Variants in CBFA2T2 observed in about 807,000 individuals in gnomAD.
CBFA2T2 encodes the protein CBFA2/RUNX1 partner transcriptional co-repressor 2.
A neutral mutation model predicts 62.2 loss-of-function variants in CBFA2T2; 11 were observed. That is an observed-to-expected ratio of 0.18 (90% confidence interval 0.11 to 0.29). The LOEUF (loss-of-function observed/expected upper bound fraction) is 0.29, where lower values mean the gene tolerates loss of function less well. Among genes scored for constraint, CBFA2T2 ranks in the 10% least tolerant of loss-of-function variants. CBFA2T2 has a pLI of 1.00. For missense variants in CBFA2T2, 592 were observed against 774.1 expected (o/e 0.76, Z 2.79); for synonymous variants, 295 against 287.5 (o/e 1.03, Z -0.27).
chr20:33,515,820 A>AAAAAT (rs1362939809), intron 1 of CBFA2T2, among the ~76,000 whole-genome samples: 7 of 149,118 alleles, frequency 4.7e-5, no homozygotes, highest in Non-Finnish European at 9.0e-5. Context: ...AAAAAAAAAA[A>AAAAAT]ACGGGGCGGG....
intron 1 of CBFA2T2, among the ~76,000 whole-genome samples, chr20:33,525,680 C>A (rs2011867598): frequency 6.6e-6 from 1 of 152,132 alleles, no homozygotes; most frequent in Admixed American, 6.5e-5. Flanking sequence ...GAGATGGAGT[C>A]TGACTTTGTC....
intron 1 of CBFA2T2, among the ~76,000 whole-genome samples, chr20:33,564,421 C>T (rs2013211186): frequency 6.6e-6 from 1 of 151,606 alleles, no homozygotes; most frequent in Non-Finnish European, 1.5e-5. Flanking sequence ...CCATGCCTGG[C>T]TAATTTTTGT....
intron 1 of CBFA2T2, among the ~76,000 whole-genome samples, chr20:33,556,048 G>A (rs1256622457): frequency 1.3e-5 from 2 of 152,126 alleles, no homozygotes; most frequent in Non-Finnish European, 2.9e-5. Context: ...TTTACTTTTT[G>A]TAGAGATGGA....
intron 1 of CBFA2T2, among the ~76,000 whole-genome samples, chr20:33,505,545 A>G (rs976315316): frequency 6.6e-6 from 1 of 152,114 alleles, no homozygotes; most frequent in African/African-American, 2.4e-5. Flanking sequence ...GCACTTAGGG[A>G]GGCCGAGGCG....
At chr20:33,560,847 C>G (rs1455135721) in intron 1 of CBFA2T2, among the ~76,000 whole-genome samples, 2 of 152,076 alleles carry the variant, frequency 1.3e-5, no homozygotes, top group South Asian at 2.1e-4. Flanking sequence ...AGCCAAGACC[C>G]CCGCCTTCCC....
At chr20:33,586,302 C>A (rs1441286967) in intron 1 of CBFA2T2, among the ~76,000 whole-genome samples, 1 of 152,144 alleles carries the variant, frequency 6.6e-6, no homozygotes, top group African/African-American at 2.4e-5. Context: ...CCTCAGCCTC[C>A]TGAGTAGCTG....
At chr20:33,613,834 C>T (rs1568853056) in intron 3 of CBFA2T2, among the ~76,000 whole-genome samples, 1 of 152,128 alleles carries the variant, frequency 6.6e-6, no homozygotes, top group Non-Finnish European at 1.5e-5. Flanking sequence ...TGAGCTTGAA[C>T]ATAATTGGAA....
chr20:33,506,896 A>G (rs539602681), intron 1 of CBFA2T2, among the ~76,000 whole-genome samples: 1 of 152,280 alleles, frequency 6.6e-6, no homozygotes, highest in East Asian at 1.9e-4. Flanking sequence ...ACTCTGAGGA[A>G]TGGTGTGTTC....
At chr20:33,623,062 T>G in intron 4 of CBFA2T2, 53 bp from the exon 5 acceptor site, 4 of 1,579,916 alleles carry the variant, frequency 2.5e-6, no homozygotes, top group Non-Finnish European at 3.5e-6. Context: ...TTTGAGGTGC[T>G]GAGCCTTCTT....
At chr20:33,587,829 T>C (rs1010483030) in intron 1 of CBFA2T2, among the ~76,000 whole-genome samples, 2 of 152,236 alleles carry the variant, frequency 1.3e-5, no homozygotes, top group Non-Finnish European at 2.9e-5. Context: ...TGTTTTGGCA[T>C]TTAAAGCCAT....
intron 1 of CBFA2T2, among the ~76,000 whole-genome samples, chr20:33,545,327 G>A (rs919121860): frequency 6.6e-6 from 1 of 152,132 alleles, no homozygotes; most frequent in Non-Finnish European, 1.5e-5. Flanking sequence ...ATTCATTCCT[G>A]TGGAACACTT....
chr20:33,594,554 C>T (rs371272148), intron 1 of CBFA2T2, among the ~76,000 whole-genome samples: 8 of 152,116 alleles, frequency 5.3e-5, no homozygotes, highest in Non-Finnish European at 7.4e-5. Flanking sequence ...TTCTGTGTTC[C>T]GCAGACATTT....
At chr20:33,550,506 A>G (rs1285170006) in intron 1 of CBFA2T2, among the ~76,000 whole-genome samples, 1 of 152,238 alleles carries the variant, frequency 6.6e-6, no homozygotes, top group African/African-American at 2.4e-5. Flanking sequence ...TACCCAACAA[A>G]TAAGCATTAA....
intron 8 of CBFA2T2, among the ~76,000 whole-genome samples, chr20:33,630,392 A>G (rs2122356541): frequency 6.6e-6 from 1 of 152,320 alleles, no homozygotes; most frequent in Admixed American, 6.5e-5. Context: ...GGCTGGATGT[A>G]TGTACTAGGC....
In CBFA2T2 at chr20:33,490,160, C is replaced by G. The variant is rs2011135482; in HGVS notation, c.-108C>G. On this transcript the variant is annotated 5_prime_UTR_variant, in exon 1 of 11. Transcript: ENST00000342704. ...TGGTTAGCTCGGCGGCTGCAGATCT[C>G]GCGGCGACGCCTGCGAGGGACCCGG... 2 of 1,120,764 alleles carry G rather than the reference C, an allele frequency of 1.8e-6. No individual in the cohort carries two copies. Among genetic ancestry groups the G allele is most frequent in the South Asian group, 4.4e-5 (1 of 22,622 alleles). 69.4% of individuals were successfully genotyped at this position (1,120,764 alleles called of 1,614,324 possible).
intron 1 of CBFA2T2, among the ~76,000 whole-genome samples, chr20:33,552,763 T>C (rs1883633041): frequency 6.6e-6 from 1 of 152,182 alleles, no homozygotes; most frequent in Non-Finnish European, 1.5e-5. Flanking sequence ...CACTTCATCG[T>C]CCTTCTGCAC....
At chr20:33,587,820 G>C (rs1386295937) in intron 1 of CBFA2T2, among the ~76,000 whole-genome samples, 5 of 152,222 alleles carry the variant, frequency 3.3e-5, no homozygotes, top group Non-Finnish European at 5.9e-5. Flanking sequence ...TGTCTGGGCT[G>C]TTTTGGCATT....
intron 1 of CBFA2T2, among the ~76,000 whole-genome samples, chr20:33,605,616 T>A (rs2122283875): frequency 6.6e-6 from 1 of 152,326 alleles, no homozygotes; most frequent in South Asian, 2.1e-4. Context: ...CCATTTAGTA[T>A]TATCAAACAA....
chr20:33,512,156 G>A (rs2146855042), intron 1 of CBFA2T2, among the ~76,000 whole-genome samples: 1 of 152,160 alleles, frequency 6.6e-6, no homozygotes, highest in Non-Finnish European at 1.5e-5. Context: ...CCAGGCCAGC[G>A]ACAGAGCGAG....
Sources: allele counts gnomAD v4.1 joint callset (sites outside exome capture counted in the v4.1 genomes callset), GRCh38; gene constraint gnomAD v4.1.1; transcripts MANE v1.5; gene names NCBI Gene and HGNC (gene_info 2026-07-23, HGNC 2026-07-21).